Variants in EPB41L4B observed in about 807,000 individuals in gnomAD.
EPB41L4B encodes the protein band 4.1-like protein 4B.
EPB41L4B carries 30 observed loss-of-function variants against 112.5 expected under a neutral mutation model. The ratio of observed to expected loss-of-function variants is 0.27; its 90% CI spans 0.20 to 0.36. The LOEUF (loss-of-function observed/expected upper bound fraction) is 0.36, where lower values mean the gene tolerates loss of function less well. Among genes scored for constraint, EPB41L4B ranks in the 10% least tolerant of loss-of-function variants. EPB41L4B has a pLI of 1.00. For synonymous variants in EPB41L4B, 408 were observed against 439.7 expected (o/e 0.93, Z 0.90); for missense variants, 1,024 against 1,133.3 (o/e 0.90, Z 1.38).
intron 17 of EPB41L4B, among the ~76,000 whole-genome samples, chr9:109,212,373 G>C (rs1833212260): frequency 1.3e-5 from 2 of 152,308 alleles, no homozygotes; most frequent in South Asian, 4.1e-4. Context: ...AGCAGCTAGG[G>C]CAAGCCTGCT....
At chr9:109,237,683 G>A (rs1279083096) in intron 15 of EPB41L4B, among the ~76,000 whole-genome samples, 2 of 152,124 alleles carry the variant, frequency 1.3e-5, no homozygotes, top group African/African-American at 4.8e-5. Flanking sequence ...GAGGGGGTGT[G>A]TTTGGGGAGA....
At chr9:109,314,705 A>C (rs1047691030) in intron 1 of EPB41L4B, among the ~76,000 whole-genome samples, 1 of 151,972 alleles carries the variant, frequency 6.6e-6, no homozygotes, top group Non-Finnish European at 1.5e-5. Flanking sequence ...CTCATGACCC[A>C]CTAGATATCC....
chr9:109,211,126 C>T (rs115127912), intron 17 of EPB41L4B, among the ~76,000 whole-genome samples: 2,128 of 152,160 alleles, frequency 0.014, 49 homozygotes, highest in African/African-American at 0.03. Context: ...AATCAAGAAG[C>T]GAAAGTTATC....
chr9:109,276,187 ACACACACACACACAC>A (rs1440323017), intron 2 of EPB41L4B, among the ~76,000 whole-genome samples: 1 of 150,440 alleles, frequency 6.6e-6, no homozygotes, highest in Non-Finnish European at 1.5e-5. Context: ...ACACACACAC[ACACACACACACACAC>A]AAATAACAAA....
chr9:109,321,029 C>A lies in EPB41L4B; in HGVS notation c.-583G>T. 5.3e-6 allele frequency: 1 copy of A among 188,816 alleles called. No individual in the cohort carries two copies. Among genetic ancestry groups the A allele is most frequent in the Non-Finnish European group, 1.1e-5 (1 of 93,972 alleles). The allele number at this position is 188,816 out of a possible 1,614,324, so 11.7% of individuals were successfully genotyped here. ...CTCCAGCCGCCGCCGCCGCCGCCGC[C>A]GCCGCTGCCGCCGGGACTGCAGCAC... is the stretch of plus-strand genomic sequence containing the variant. On this transcript the variant is annotated 5_prime_UTR_variant, in exon 1 of 26. Coordinates refer to ENST00000374566, the MANE Select transcript of EPB41L4B (RefSeq NM_019114.5).
chr9:109,291,539 G>A (rs566168703), intron 1 of EPB41L4B, among the ~76,000 whole-genome samples: 54 of 152,242 alleles, frequency 3.5e-4, no homozygotes, highest in African/African-American at 1.2e-3. Context: ...CAGTCTAGGC[G>A]GCTCCTGGAA....
At chr9:109,289,907 C>T (rs1406546901) in intron 1 of EPB41L4B, among the ~76,000 whole-genome samples, 6 of 152,236 alleles carry the variant, frequency 3.9e-5, no homozygotes, top group Non-Finnish European at 7.3e-5. Flanking sequence ...AAGAACATTA[C>T]AAGTCTCAGT....
rs181784397 is a variant in EPB41L4B, at chr9:109,310,045, C to T, written c.306+10096G>A. Reference sequence around the variant, plus strand: ...ATAGATGCTTCCTGGCACATGTACACCAGAGACCAATTCCAGAAAGTTCAA... The same window carrying T: ...ATAGATGCTTCCTGGCACATGTACATCAGAGACCAATTCCAGAAAGTTCAA... On this transcript the variant is annotated intron_variant, in intron 1 of 25. Coordinates refer to ENST00000374566, the MANE Select transcript of EPB41L4B (RefSeq NM_019114.5). Among the ~76,000 whole-genome samples the T allele has an allele frequency of 1.4e-3, 212 of 152,280 alleles. 4 individuals are homozygous for T. Among genetic ancestry groups the T allele is most frequent in the African/African-American group, 4.9e-3 (203 of 41,548 alleles).
At chr9:109,232,790 A>G (rs1276093450) in intron 15 of EPB41L4B, among the ~76,000 whole-genome samples, 1 of 152,202 alleles carries the variant, frequency 6.6e-6, no homozygotes, top group African/African-American at 2.4e-5. Context: ...GATACAGATG[A>G]GGATTAATTT....
At chr9:109,268,523 A>AT in intron 2 of EPB41L4B, 90 bp from the exon 3 acceptor site, 1 of 1,190,898 alleles carries the variant, frequency 8.4e-7, no homozygotes, top group Non-Finnish European at 1.2e-6. Context: ...AGCCTTAGTA[A>AT]TTCTACCCAC....
chr9:109,175,362 A>C (rs915809401), intron 25 of EPB41L4B, among the ~76,000 whole-genome samples: 14 of 152,252 alleles, frequency 9.2e-5, no homozygotes, highest in African/African-American at 3.1e-4. Flanking sequence ...TTATATTTTA[A>C]TGAATCAAAT....
rs1391138808 is a variant in EPB41L4B at position 109,279,803 on chromosome 9, A to G, written c.411+14T>C. On this transcript the variant is annotated intron_variant, in intron 2 of 25. Transcript: ENST00000374566. ...AGCCAATCTGTTCTGAAATGAATCAAAGCAATAACCTACCGCAACCTGGGC... is the reference window on the plus strand; with the variant it reads ...AGCCAATCTGTTCTGAAATGAATCAGAGCAATAACCTACCGCAACCTGGGC... The G allele has an allele frequency of 3.1e-6, 5 of 1,607,594 alleles. No homozygotes were observed. The highest frequency in any genetic ancestry group is 2.6e-6 in the Non-Finnish European group (3 of 1,176,020).
At chr9:109,234,794 G>A (rs1422654771) in intron 15 of EPB41L4B, among the ~76,000 whole-genome samples, 3 of 152,186 alleles carry the variant, frequency 2.0e-5, no homozygotes, top group African/African-American at 7.2e-5. Flanking sequence ...GGAGGTGGAG[G>A]CTGCAGTGGG....
chr9:109,191,253 C>A (rs532465554), intron 22 of EPB41L4B, among the ~76,000 whole-genome samples: 1 of 152,304 alleles, frequency 6.6e-6, no homozygotes, highest in African/African-American at 2.4e-5. Flanking sequence ...CCCAGGATAC[C>A]TTCTCCCTGA....
intron 25 of EPB41L4B, 66 bp from the exon 26 acceptor site, chr9:109,174,689 A>G: frequency 7.3e-7 from 1 of 1,360,698 alleles, no homozygotes; most frequent in South Asian, 1.2e-5. Flanking sequence ...AGACAGCTTA[A>G]GTATCATCTC....
chr9:109,213,879 A>G (rs1016106075), intron 16 of EPB41L4B, 61 bp from the exon 17 acceptor site: 13 of 1,472,682 alleles, frequency 8.8e-6, no homozygotes, highest in African/African-American at 1.4e-5. Flanking sequence ...GATACAGGGG[A>G]AAAGGGACAC....
intron 1 of EPB41L4B, chr9:109,300,177 G>A (rs899769618): frequency 6.6e-6 from 1 of 152,276 alleles, no homozygotes; most frequent in Non-Finnish European, 1.5e-5. Context: ...CACGGTCACC[G>A]ACAGGGCAGA....
At chr9:109,240,467 A>G in intron 15 of EPB41L4B, 1 of 985,418 alleles carries the variant, frequency 1.0e-6, no homozygotes, top group Non-Finnish European at 1.2e-6. Flanking sequence ...ACATGGGCAA[A>G]ATTACAATTA....
At chr9:109,273,975 C>A (rs1835722047) in intron 2 of EPB41L4B, among the ~76,000 whole-genome samples, 1 of 152,142 alleles carries the variant, frequency 6.6e-6, no homozygotes, top group Non-Finnish European at 1.5e-5. Flanking sequence ...TCTGACCAAT[C>A]ATTAAAGCAA....
Sources: allele counts gnomAD v4.1 joint callset (sites outside exome capture counted in the v4.1 genomes callset), GRCh38; gene constraint gnomAD v4.1.1; transcripts MANE v1.5; gene names NCBI Gene and HGNC (gene_info 2026-07-23, HGNC 2026-07-21).